Variants in LAS1L observed in about 807,000 individuals in gnomAD.
LAS1L encodes the protein LAS1 like ribosome biogenesis factor.
A neutral mutation model predicts 57.3 loss-of-function variants in LAS1L; 5 were observed. The ratio of observed to expected loss-of-function variants is 0.09; its 90% CI spans 0.05 to 0.18. The LOEUF (loss-of-function observed/expected upper bound fraction) is 0.18. LAS1L is among the 10% of genes least tolerant of loss of function. LAS1L has a pLI of 1.00. For missense variants in LAS1L, 360 were observed against 568.3 expected, an observed-to-expected ratio of 0.63 and a Z score of 3.73; for synonymous variants, 245 against 231.7, an observed-to-expected ratio of 1.06 and a Z score of -0.52.
intron 11 of LAS1L, among the ~76,000 whole-genome samples, chrX:65,519,196 C>T (rs983032138): frequency 1.8e-5 from 2 of 111,392 alleles, no homozygotes; most frequent in African/African-American, 3.3e-5. Flanking sequence ...AGCAAGCACA[C>T]GGTGCTGCTG....
In LAS1L at chrX:65,514,891, A is replaced by G; in HGVS notation, c.2010T>C (p.Tyr670=). The G allele has an allele frequency of 8.3e-7, 1 of 1,210,587 alleles. No individual in the cohort carries two copies. The part of the protein sequence containing the change: ...EDPAELMLEN[Y]DTMYLLDQPV... ...GCTGGTCCAAAAGATACATGGTGTC[A>G]TAATTCTCCAGCATGAGCTCTGCTG... Residue 670 remains tyrosine, a synonymous_variant, in exon 13 of 14, where the codon TAT becomes TAC. Transcript: ENST00000374811.
intron 11 of LAS1L, chrX:65,520,411 C>T: frequency 1.3e-6 from 1 of 747,961 alleles, no homozygotes; most frequent in Non-Finnish European, 1.6e-6. Flanking sequence ...CAAAAAAACA[C>T]AGCACCATGC....
intron 7 of LAS1L, among the ~76,000 whole-genome samples, chrX:65,526,610 C>T (rs1399914769): frequency 1.8e-5 from 2 of 111,953 alleles, no homozygotes; most frequent in African/African-American, 6.5e-5. Flanking sequence ...TACCTAAACT[C>T]TCCAACTTCT....
chrX:65,529,233 T>C lies in LAS1L; in HGVS notation c.825A>G (p.Ser275=), dbSNP rs759123464. The C allele has an allele frequency of 8.3e-7, 1 of 1,210,045 alleles. No homozygotes were observed. Among genetic ancestry groups the C allele is most frequent in the South Asian group, 1.8e-5 (1 of 56,880 alleles). The change falls in exon 6 of 14, where the codon TCA becomes TCG. Residue 275 remains serine, a synonymous_variant. Coordinates refer to ENST00000374811, the MANE Select transcript of LAS1L (RefSeq NM_031206.7). ...LYERARELLV[S]YEEEQFTVLE... Reference sequence around the variant, plus strand: ...TTACCGTAAACTGCTCCTCTTCGTATGATACCAGCAGTTCTCGGGCTCTTT... The same window carrying C: ...TTACCGTAAACTGCTCCTCTTCGTACGATACCAGCAGTTCTCGGGCTCTTT...
At chrX:65,517,046 G>C (rs1249108509) in intron 12 of LAS1L, among the ~76,000 whole-genome samples, 1 of 110,498 alleles carries the variant, frequency 9.0e-6, no homozygotes, top group Non-Finnish European at 1.9e-5. Flanking sequence ...CGGCCTCCGA[G>C]GTTCCTGTTC....
chrX:65,529,187 C>T (rs769071260), intron 6 of LAS1L, 25 bp downstream of exon 6: 10 of 1,175,271 alleles, frequency 8.5e-6, no homozygotes, highest in African/African-American at 7.1e-5. Context: ...GATGAGAGCA[C>T]ACCAAGTCCA....
At position 65,524,626 on chromosome X, in the gene LAS1L, G is replaced by A. The variant is rs1229543748; in HGVS notation, c.1043-12C>T. On this transcript the variant is annotated splice_polypyrimidine_tract_variant and intron_variant, in intron 8 of 13. Coordinates refer to ENST00000374811, the MANE Select transcript of LAS1L (RefSeq NM_031206.7). ...CTCAGTCTGACCATCTGTAACATGA[G>A]GATGTTGGACTAGATGACCTCACAA... 2 of 526,735 alleles carry A rather than the reference G, an allele frequency of 3.8e-6. No homozygotes were observed. Among genetic ancestry groups the A allele is most frequent in the Admixed American group, 5.3e-5 (2 of 37,869 alleles). The allele number at this position is 526,735 out of a possible 1,213,427, so 43.4% of individuals were successfully genotyped here.
Position 65,534,494 on chromosome X carries a change from C to T in LAS1L, c.222G>A (p.Thr74=), listed in dbSNP as rs369263577. ...CGCCACCTTACCTGCTCCTCCACAC[C>T]GTGATGCGGTTAAGCGCGTACCGCT... The part of the protein sequence containing the change: ...KLQRYALNRI[T]VWRSRSGNEL... The change falls in exon 1 of 14, where the codon ACG becomes ACA. Residue 74 remains threonine, a synonymous_variant. Transcript: ENST00000374811. The T allele has an allele frequency of 2.1e-5, 25 of 1,204,390 alleles. No homozygotes were observed. Among genetic ancestry groups the T allele is most frequent in the Non-Finnish European group, 2.7e-5 (24 of 891,371 alleles).
intron 8 of LAS1L, 106 bp downstream of exon 8, chrX:65,524,859 G>C: frequency 1.7e-6 from 1 of 573,980 alleles, no homozygotes; most frequent in South Asian, 2.8e-5. Flanking sequence ...CCATGGAATG[G>C]CAGGAAACAG....
At chrX:65,523,750 C>T in intron 10 of LAS1L, 43 bp from the exon 11 acceptor site, 1 of 1,131,144 alleles carries the variant, frequency 8.8e-7, no homozygotes, top group African/African-American at 1.8e-5. Flanking sequence ...AGCAGTGAGC[C>T]CCCCACCCAA....
Position 65,534,494 on chromosome X carries a change from C to A in LAS1L, c.222G>T (p.Thr74=), listed in dbSNP as rs369263577. The change falls in exon 1 of 14, where the codon ACG becomes ACT. Residue 74 remains threonine, a synonymous_variant. Transcript: ENST00000374811. The part of the protein sequence containing the change: ...KLQRYALNRI[T]VWRSRSGNEL... ...CGCCACCTTACCTGCTCCTCCACAC[C>A]GTGATGCGGTTAAGCGCGTACCGCT... The A allele has an allele frequency of 3.4e-5, 41 of 1,204,390 alleles. No homozygotes were observed. The highest frequency in any genetic ancestry group is 4.4e-5 in the Non-Finnish European group (39 of 891,371).
rs755528983 is a variant in LAS1L, at chrX:65,523,685, A to C, written c.1323T>G (p.Ser441=). 2 of 1,194,243 alleles carry C rather than the reference A, an allele frequency of 1.7e-6. No homozygotes were observed. Among genetic ancestry groups the C allele is most frequent in the African/African-American group, 3.5e-5 (2 of 56,876 alleles). The change falls in exon 11 of 14, where the codon TCT becomes TCG. Residue 441 remains serine (S), a synonymous_variant. Coordinates refer to ENST00000374811, the MANE Select transcript of LAS1L (RefSeq NM_031206.7). ...TKTGRNARRF[S]AGQWEARRGW... is the part of the protein sequence containing the mutation. ...CCCTTCTTGCTTCCCACTGGCCTGC[A>C]GAAAATCGGCGAGCATTCCGTCCTG... is the stretch of plus-strand genomic sequence containing the variant.
chrX:65,521,983 G>T (rs1335894753), intron 11 of LAS1L: 2 of 111,934 alleles, frequency 1.8e-5, no homozygotes, highest in Non-Finnish European at 3.8e-5. Flanking sequence ...GAGGGATGCA[G>T]GGTCAAAGGA....
intron 12 of LAS1L, among the ~76,000 whole-genome samples, chrX:65,517,596 C>G (rs888502179): frequency 1.8e-5 from 2 of 111,946 alleles, no homozygotes; most frequent in Non-Finnish European, 3.8e-5. Flanking sequence ...TCTTGTCTCA[C>G]CACCAGCCAG....
chrX:65,531,147 T>A (rs1473225759), intron 4 of LAS1L, among the ~76,000 whole-genome samples: 1 of 112,657 alleles, frequency 8.9e-6, no homozygotes, highest in East Asian at 2.8e-4. Flanking sequence ...TCATGAATTT[T>A]TCCACATTAA....
intron 13 of LAS1L, among the ~76,000 whole-genome samples, 179 bp downstream of exon 13, chrX:65,514,644 C>T (rs966297531): frequency 9.1e-6 from 1 of 110,197 alleles, no homozygotes; most frequent in Non-Finnish European, 1.9e-5. Context: ...TTCACTGGCT[C>T]CCCACACTAG....
intron 2 of LAS1L, 147 bp downstream of exon 2, chrX:65,533,463 C>G: frequency 2.0e-6 from 1 of 507,333 alleles, no homozygotes. Context: ...GCTGATAAGT[C>G]AAGCAATAAT....
At chrX:65,517,493 C>T (rs921330623) in intron 12 of LAS1L, among the ~76,000 whole-genome samples, 2 of 110,356 alleles carry the variant, frequency 1.8e-5, no homozygotes, top group Admixed American at 9.6e-5. Context: ...CCTCGTGATC[C>T]GCCCGCCTCG....
chrX:65,529,295 C>G (rs1057160106), intron 5 of LAS1L, 37 bp from the exon 6 acceptor site: 1 of 1,103,843 alleles, frequency 9.1e-7, no homozygotes, highest in African/African-American at 1.8e-5. Context: ...GGACTGCCAG[C>G]CCAGACCCCT....
Sources: gnomAD v4.1 joint callset for allele counts (sites outside exome capture counted in the v4.1 genomes callset) on GRCh38, gnomAD v4.1.1 for gene constraint, MANE v1.5 for transcripts, NCBI Gene and HGNC (gene_info 2026-07-23, HGNC 2026-07-21) for gene names.